GMPS: variants seen among roughly 807,000 people sequenced by gnomAD.
GMPS encodes GMP synthase [glutamine-hydrolyzing].
GMPS carries 15 observed loss-of-function variants against 77.9 expected under a neutral mutation model. The observed-to-expected ratio is 0.19, with a 90% confidence interval of 0.13 to 0.30. The LOEUF is 0.30. Among genes scored for constraint, GMPS ranks in the 10% least tolerant of loss-of-function variants. The pLI, the probability that GMPS is intolerant of heterozygous loss-of-function variation, is 1.00. For synonymous variants in GMPS, 224 were observed against 275.9 expected, an observed-to-expected ratio of 0.81 and a Z score of 1.86; for missense variants, 590 against 838.8, an observed-to-expected ratio of 0.70 and a Z score of 3.66.
intron 12 of GMPS, among the ~76,000 whole-genome samples, chr3:155,928,850 T>G (rs201252480): frequency 5.9e-4 from 88 of 148,500 alleles, no homozygotes; most frequent in East Asian, 1.2e-3. Context: ...TCCATGTCCT[T>G]ACAAAGGACA....
intron 13 of GMPS, among the ~76,000 whole-genome samples, chr3:155,934,087 G>A (rs1577538129): frequency 6.6e-6 from 1 of 152,060 alleles, no homozygotes; most frequent in East Asian, 1.9e-4. Flanking sequence ...CTCAAGTAGA[G>A]AAAAAAAGAT....
At chr3:155,890,105 T>C (rs1166385788) in intron 1 of GMPS, among the ~76,000 whole-genome samples, 2 of 152,238 alleles carry the variant, frequency 1.3e-5, no homozygotes, top group African/African-American at 4.8e-5. Flanking sequence ...GGAGCCTTTT[T>C]GTTTTCTCCT....
chr3:155,873,539 G>A (rs1238417454), intron 1 of GMPS, among the ~76,000 whole-genome samples: 1 of 151,768 alleles, frequency 6.6e-6, no homozygotes, highest in East Asian at 1.9e-4. Context: ...TGGGATTACA[G>A]TAGTGAGCCA....
At chr3:155,897,368 C>A (rs944121361) in intron 2 of GMPS, among the ~76,000 whole-genome samples, 4 of 152,148 alleles carry the variant, frequency 2.6e-5, no homozygotes, top group African/African-American at 9.7e-5. Flanking sequence ...CATGTGGGGG[C>A]AGAAGTGTTA....
At chr3:155,878,064 G>T (rs1451672323) in intron 1 of GMPS, among the ~76,000 whole-genome samples, 1 of 152,060 alleles carries the variant, frequency 6.6e-6, no homozygotes, top group Non-Finnish European at 1.5e-5. Context: ...ATGAGCCACC[G>T]TGCCCAGCCC....
chr3:155,906,379 C>G, intron 5 of GMPS, 116 bp downstream of exon 5: 1 of 552,652 alleles, frequency 1.8e-6, no homozygotes, highest in South Asian at 3.0e-5. Context: ...TTTTTCTTCT[C>G]TTTTTTTTAA....
At chr3:155,899,845 G>A (rs1754691330) in intron 3 of GMPS, among the ~76,000 whole-genome samples, 1 of 152,162 alleles carries the variant, frequency 6.6e-6, no homozygotes, top group Admixed American at 6.5e-5. Context: ...GAATCATACA[G>A]TATGTAGCCT....
intron 1 of GMPS, among the ~76,000 whole-genome samples, chr3:155,878,154 A>T (rs559362691): frequency 1.3e-5 from 2 of 152,080 alleles, no homozygotes; most frequent in Admixed American, 1.3e-4. Flanking sequence ...CAAAGACCTC[A>T]CCTCTTAATA....
intron 12 of GMPS, among the ~76,000 whole-genome samples, chr3:155,931,314 T>C (rs1454171869): frequency 6.6e-6 from 1 of 151,778 alleles, no homozygotes; most frequent in Non-Finnish European, 1.5e-5. Context: ...GCCTCCCGAG[T>C]AGCTGGGACT....
At chr3:155,896,203 G>A (rs559747649) in intron 2 of GMPS, among the ~76,000 whole-genome samples, 2 of 152,070 alleles carry the variant, frequency 1.3e-5, no homozygotes, top group South Asian at 4.2e-4. Context: ...TAGAGACAGG[G>A]TTTTGCCATG....
At chr3:155,913,963 TG>T (rs35440885) in intron 7 of GMPS, among the ~76,000 whole-genome samples, 1 of 152,026 alleles carries the variant, frequency 6.6e-6, no homozygotes, top group East Asian at 1.9e-4. Flanking sequence ...ATTTTTTTTT[TG>T]GGGATGGAGT....
At chr3:155,911,997 G>C (rs577215124) in intron 7 of GMPS, among the ~76,000 whole-genome samples, 2 of 151,858 alleles carry the variant, frequency 1.3e-5, no homozygotes, top group South Asian at 4.2e-4. Context: ...TTTTTTTAAA[G>C]GGCCACTAGT....
At chr3:155,913,523 A>T (rs1481582612) in intron 7 of GMPS, among the ~76,000 whole-genome samples, 5 of 142,182 alleles carry the variant, frequency 3.5e-5, no homozygotes, top group East Asian at 2.1e-4. Context: ...ATCAGCATAA[A>T]TTTTTTTTTT....
rs1486273400 is a variant in GMPS at position 155,943,306 on chromosome 3, CAAA to C, written c.*5616_*5618del. 1 of 180,856 alleles carries C rather than the reference CAAA, an allele frequency of 5.5e-6. No individual in the cohort carries two copies. The highest frequency in any genetic ancestry group is 1.2e-5 in the Non-Finnish European group (1 of 84,692). 11.2% of individuals were successfully genotyped at this position (180,856 alleles called of 1,614,324 possible). A position where few individuals can be genotyped will look rare whatever the true frequency, so the allele number is the denominator to read the frequency against. ...AACTTTGTTAAGGGCCCTTGGTTAG[CAAA>C]ATTATGAAAGTTTAGGAAATTTGGC... On this transcript the variant is annotated 3_prime_UTR_variant, in exon 16 of 16. Transcript: ENST00000496455.
chr3:155,870,957 G>T (rs1451478513), intron 1 of GMPS, 60 bp downstream of exon 1: 7 of 1,388,446 alleles, frequency 5.0e-6, no homozygotes, highest in Admixed American at 6.5e-5. Flanking sequence ...CCGGACCGGG[G>T]AGCCACCCCG....
intron 5 of GMPS, 69 bp downstream of exon 5, chr3:155,906,332 G>C: frequency 1.2e-6 from 1 of 807,096 alleles, no homozygotes; most frequent in South Asian, 1.6e-5. Context: ...ATATGCTTCT[G>C]TATGAGGTAC....
Position 155,941,112 on chromosome 3 carries a change from A to AG in GMPS, c.*3422dup, listed in dbSNP as rs1755877693. 1 of 184,346 alleles carries AG rather than the reference A, an allele frequency of 5.4e-6. No individual in the cohort carries two copies. The highest frequency in any genetic ancestry group is 2.4e-5 in the African/African-American group (1 of 42,550). 11.4% of individuals were successfully genotyped at this position (184,346 alleles called of 1,614,324 possible). A position where few individuals can be genotyped will look rare whatever the true frequency, so the allele number is the denominator to read the frequency against. ...AGGGCCCTTCAGGGCAAATCTTAAA[A>AG]GGAAGTTCTTGGCCGGGCGCGGTGG... On this transcript the variant is annotated 3_prime_UTR_variant, in exon 16 of 16. Coordinates refer to ENST00000496455, the MANE Select transcript of GMPS (RefSeq NM_003875.3).
At chr3:155,873,593 G>A (rs925071222) in intron 1 of GMPS, among the ~76,000 whole-genome samples, 6 of 146,832 alleles carry the variant, frequency 4.1e-5, no homozygotes, top group African/African-American at 7.5e-5. Flanking sequence ...TTTTATTTCC[G>A]TATGTTATTG....
chr3:155,913,527 T>G (rs1311096961), intron 7 of GMPS, among the ~76,000 whole-genome samples: 8 of 151,086 alleles, frequency 5.3e-5, no homozygotes, highest in Admixed American at 5.3e-4. Flanking sequence ...GCATAAATTT[T>G]TTTTTTTTTT....
Sources: gnomAD v4.1 joint callset for allele counts (sites outside exome capture counted in the v4.1 genomes callset) on GRCh38, gnomAD v4.1.1 for gene constraint, MANE v1.5 for transcripts, NCBI Gene and HGNC (gene_info 2026-07-23, HGNC 2026-07-21) for gene names.